ZNRF2: variants seen among roughly 807,000 people sequenced by gnomAD.
The protein encoded by ZNRF2 is zinc and ring finger 2, also known as E3 ubiquitin-protein ligase ZNRF2.
Under a neutral mutation model 20.4 loss-of-function variants are expected in ZNRF2, and 16 were observed. That is an observed-to-expected ratio of 0.79 (90% CI 0.53 to 1.19). The LOEUF (loss-of-function observed/expected upper bound fraction) is 1.19, where lower values mean the gene tolerates loss of function less well. Ranked by LOEUF, ZNRF2 falls within the 50% of genes most tolerant of loss-of-function variation. ZNRF2 has a pLI of 0.00. For synonymous variants in ZNRF2, 178 were observed against 144.9 expected (o/e 1.23, Z -1.64); for missense variants, 363 against 332.4 (o/e 1.09, Z -0.72).
At chr7:30,320,357 CAA>C (rs1370637868) in intron 1 of ZNRF2, among the ~76,000 whole-genome samples, 3 of 151,918 alleles carry the variant, frequency 2.0e-5, no homozygotes, top group African/African-American at 7.3e-5. Flanking sequence ...TGAATCAAAA[CAA>C]AGAATTTAGA....
chr7:30,318,940 C>T (rs1213970625), intron 1 of ZNRF2, among the ~76,000 whole-genome samples: 2 of 151,990 alleles, frequency 1.3e-5, no homozygotes, highest in African/African-American at 4.8e-5. Context: ...GGCAAAACCC[C>T]ATCTCTACTA....
chr7:30,292,016 C>T (rs976422092), intron 1 of ZNRF2, among the ~76,000 whole-genome samples: 1 of 152,022 alleles, frequency 6.6e-6, no homozygotes, highest in Admixed American at 6.6e-5. Flanking sequence ...GTATAAAAAT[C>T]GCAAATTGCT....
chr7:30,297,736 T>G (rs1486929126), intron 1 of ZNRF2, among the ~76,000 whole-genome samples: 1 of 112,056 alleles, frequency 8.9e-6, no homozygotes, highest in Admixed American at 7.6e-5. Context: ...TTTCTGTGAT[T>G]TTTTTTTTTT....
At chr7:30,297,436 T>C (rs962940840) in intron 1 of ZNRF2, among the ~76,000 whole-genome samples, 2 of 152,210 alleles carry the variant, frequency 1.3e-5, no homozygotes, top group African/African-American at 4.8e-5. Context: ...AGAAAGAATA[T>C]GTGTAAGGTA....
intron 2 of ZNRF2, among the ~76,000 whole-genome samples, chr7:30,330,729 A>G (rs1799624556): frequency 6.6e-6 from 1 of 152,026 alleles, no homozygotes; most frequent in Non-Finnish European, 1.5e-5. Context: ...TTCTGAATTC[A>G]GGATGCTTTC....
intron 1 of ZNRF2, among the ~76,000 whole-genome samples, chr7:30,320,656 T>A (rs1799454973): frequency 1.3e-5 from 2 of 152,188 alleles, no homozygotes; most frequent in Non-Finnish European, 1.5e-5. Context: ...ACATTTAAGG[T>A]AGGCTAGCCT....
chr7:30,318,758 G>A (rs1315789317), intron 1 of ZNRF2, among the ~76,000 whole-genome samples: 1 of 152,218 alleles, frequency 6.6e-6, no homozygotes, highest in Non-Finnish European at 1.5e-5. Flanking sequence ...AGCAGTATGT[G>A]TCATTGAGTA....
At chr7:30,357,840 T>C (rs2127956986) in intron 3 of ZNRF2, among the ~76,000 whole-genome samples, 1 of 152,316 alleles carries the variant, frequency 6.6e-6, no homozygotes, top group East Asian at 1.9e-4. Context: ...CTCCCATTTA[T>C]TTTATGAGAA....
intron 1 of ZNRF2, among the ~76,000 whole-genome samples, chr7:30,310,224 G>A (rs1472422817): frequency 1.3e-5 from 2 of 152,198 alleles, no homozygotes; most frequent in Admixed American, 6.5e-5. Context: ...TGGCCTGACT[G>A]GAACATCTTC....
At chr7:30,347,087 A>C (rs1799890712) in intron 2 of ZNRF2, among the ~76,000 whole-genome samples, 1 of 152,010 alleles carries the variant, frequency 6.6e-6, no homozygotes, top group Non-Finnish European at 1.5e-5. Context: ...CTGTCCCTAT[A>C]GTAGGTGCCT....
intron 2 of ZNRF2, among the ~76,000 whole-genome samples, chr7:30,330,887 T>G (rs1401792281): frequency 2.0e-5 from 3 of 152,200 alleles, no homozygotes; most frequent in African/African-American, 7.2e-5. Context: ...GTTCTCTGAT[T>G]TGACGTCTCT....
At chr7:30,355,112 G>A (rs756895239) in intron 2 of ZNRF2, among the ~76,000 whole-genome samples, 10 of 152,054 alleles carry the variant, frequency 6.6e-5, no homozygotes, top group Non-Finnish European at 1.3e-4. Context: ...ATTAATGCCT[G>A]GAGTAGGCTT....
At chr7:30,328,963 C>A (rs1799593733) in intron 2 of ZNRF2, among the ~76,000 whole-genome samples, 1 of 152,128 alleles carries the variant, frequency 6.6e-6, no homozygotes, top group Non-Finnish European at 1.5e-5. Flanking sequence ...CTGCCTGTTT[C>A]ATATACTTTT....
chr7:30,316,550 C>T lies in ZNRF2; in HGVS notation c.470-7092C>T, dbSNP rs1799380418. Among the ~76,000 whole-genome samples, 4 of 152,208 alleles carry T rather than the reference C, an allele frequency of 2.6e-5. No homozygotes were observed. The South Asian group carries it at 8.3e-4, about 32-fold the overall frequency. On this transcript the variant is annotated intron_variant, in intron 1 of 4. Coordinates refer to ENST00000323037, the MANE Select transcript of ZNRF2 (RefSeq NM_147128.4). ...TTGTTGAACAAGGTTAAAACGTTTC[C>T]TGCTAACTTGTTTCAGAATGTATTC... is the stretch of plus-strand genomic sequence containing the variant.
intron 1 of ZNRF2, among the ~76,000 whole-genome samples, chr7:30,286,337 C>A (rs1798788805): frequency 6.6e-6 from 1 of 152,078 alleles, no homozygotes; most frequent in African/African-American, 2.4e-5. Context: ...GTCAGTAGTC[C>A]CAGTTACTAT....
intron 2 of ZNRF2, among the ~76,000 whole-genome samples, chr7:30,339,560 G>A (rs1799764486): frequency 6.6e-6 from 1 of 152,190 alleles, no homozygotes; most frequent in African/African-American, 2.4e-5. Context: ...GTTTGTCAAA[G>A]ATCAGATGGT....
intron 1 of ZNRF2, among the ~76,000 whole-genome samples, chr7:30,287,102 C>T (rs909524221): frequency 2.8e-4 from 42 of 152,122 alleles, no homozygotes; most frequent in African/African-American, 1.0e-3. Flanking sequence ...GTAATTTTTG[C>T]TTCTTAAAAA....
chr7:30,301,560 A>G (rs1192993730), intron 1 of ZNRF2, among the ~76,000 whole-genome samples: 1 of 152,076 alleles, frequency 6.6e-6, no homozygotes, highest in African/African-American at 2.4e-5. Context: ...CGCTGCATTC[A>G]CTTTTGATAC....
chr7:30,293,222 G>A (rs1455944514), intron 1 of ZNRF2, among the ~76,000 whole-genome samples: 2 of 151,600 alleles, frequency 1.3e-5, no homozygotes, highest in African/African-American at 2.4e-5. Flanking sequence ...CTGTTGCCAT[G>A]AACACCCTGG....
Sources: gnomAD v4.1 joint callset for allele counts (sites outside exome capture counted in the v4.1 genomes callset) on GRCh38, gnomAD v4.1.1 for gene constraint, MANE v1.5 for transcripts, NCBI Gene and HGNC (gene_info 2026-07-23, HGNC 2026-07-21) for gene names.